ITSN2: variants seen among roughly 807,000 people sequenced by gnomAD.
ITSN2 encodes intersectin 2.
Under a neutral mutation model 243.7 loss-of-function variants are expected in ITSN2, and 156 were observed. That is an observed-to-expected ratio of 0.64 (90% CI 0.56 to 0.73). ITSN2 has a LOEUF of 0.73. ITSN2 is among the 30% of genes least tolerant of loss of function. The pLI, the probability that ITSN2 is intolerant of heterozygous loss-of-function variation, is 0.00. For missense variants in ITSN2, 1,801 were observed against 1,996.1 expected (o/e 0.90, Z 1.86); for synonymous variants, 703 against 699.9 (o/e 1.00, Z -0.07).
chr2:24,245,066 T>C (rs10865276), intron 29 of ITSN2, among the ~76,000 whole-genome samples: 148,947 of 152,304 alleles, frequency 0.98, 72,828 homozygotes, highest in East Asian at 0.99. Flanking sequence ...AACTAAAAAT[T>C]AAAAGAGTGG....
At position 24,223,241 on chromosome 2, in the gene ITSN2, T is replaced by C. The variant is rs1016144566; in HGVS notation, c.3578-2175A>G. 4.6e-5 allele frequency among the ~76,000 whole-genome samples: 7 copies of C among 152,318 alleles called. No homozygotes were observed. The East Asian group carries it at 7.7e-4, about 17-fold the overall frequency. Reference sequence around the variant, plus strand: ...GTTGCTCTTTCCAATTTCCTTTGCATTTGTATACATTTTGTATAGATCTGG... The same window carrying C: ...GTTGCTCTTTCCAATTTCCTTTGCACTTGTATACATTTTGTATAGATCTGG... On this transcript the variant is annotated intron_variant, in intron 29 of 39. Transcript: ENST00000355123.
At chr2:24,323,568 A>G (rs1312611313) in intron 2 of ITSN2, among the ~76,000 whole-genome samples, 1 of 152,208 alleles carries the variant, frequency 6.6e-6, no homozygotes, top group Non-Finnish European at 1.5e-5. Flanking sequence ...CCAATAATAC[A>G]TGGCTAAAGG....
At chr2:24,320,218 A>C (rs1227550314) in intron 2 of ITSN2, among the ~76,000 whole-genome samples, 1 of 151,992 alleles carries the variant, frequency 6.6e-6, no homozygotes, top group Admixed American at 6.5e-5. Flanking sequence ...CTCTACAAAA[A>C]AACTTAAAAA....
Position 24,242,422 on chromosome 2 carries a change from T to C in ITSN2, c.3577+3707A>G, listed in dbSNP as rs932639290. On this transcript the variant is annotated intron_variant, in intron 29 of 39. Transcript: ENST00000355123. ...TAATCTATAATTTAACTAGCTTTCA[T>C]TGACTATTACAAGAACTACAAACAG... Among the ~76,000 whole-genome samples the C allele has an allele frequency of 6.6e-5, 10 of 152,086 alleles. No individual in the cohort carries two copies. In the East Asian group the frequency reaches 7.7e-4, roughly 12 times the overall value.
At chr2:24,327,795 T>C (rs574740779) in intron 2 of ITSN2, among the ~76,000 whole-genome samples, 1 of 152,340 alleles carries the variant, frequency 6.6e-6, no homozygotes, top group Middle Eastern at 3.4e-3. Context: ...CATCCAGTTT[T>C]ATGCATCAAA....
intron 29 of ITSN2, among the ~76,000 whole-genome samples, chr2:24,238,768 T>C (rs796103565): frequency 5.9e-5 from 9 of 152,316 alleles, no homozygotes; most frequent in African/African-American, 2.2e-4. Context: ...TGACCACTTA[T>C]ACATTTATTT....
chr2:24,210,863 CTTGAGA>C lies in ITSN2; in HGVS notation c.4168_4173del (p.Ser1390_Gln1391del), dbSNP rs770712180. 1 of 1,614,174 alleles carries C rather than the reference CTTGAGA, an allele frequency of 6.2e-7. No homozygotes were observed. Among genetic ancestry groups the C allele is most frequent in the East Asian group, 2.2e-5 (1 of 44,860 alleles). On this transcript the variant is annotated inframe_deletion, in exon 34 of 40. Coordinates refer to ENST00000355123, the MANE Select transcript of ITSN2 (RefSeq NM_006277.3). ...TCCTTCTCCCGAACTCCCTCATTCACTTGAGAGCACAGCTCCTCTGCCCGCTCGAGG... is the reference window on the plus strand; with the variant it reads ...TCCTTCTCCCGAACTCCCTCATTCACGCACAGCTCCTCTGCCCGCTCGAGG...
chr2:24,340,675 G>C (rs184160037), intron 1 of ITSN2, among the ~76,000 whole-genome samples: 1 of 151,770 alleles, frequency 6.6e-6, no homozygotes, highest in Non-Finnish European at 1.5e-5. Flanking sequence ...TATGTAGCCC[G>C]TTGTGTCTCT....
chr2:24,271,711 G>A lies in ITSN2; in HGVS notation c.2257+55C>T. ...CTTCCCTTTTTTTGTCTCTTATCAG[G>A]TCATTTTTTTCTTGTTGCATTTGTT... On this transcript the variant is annotated intron_variant, in intron 19 of 39. Coordinates refer to ENST00000355123, the MANE Select transcript of ITSN2 (RefSeq NM_006277.3). 5 of 1,452,008 alleles carry A rather than the reference G, an allele frequency of 3.4e-6. No individual in the cohort carries two copies. In the South Asian group the frequency reaches 8.3e-5, roughly 24 times the overall value. 89.9% of individuals were successfully genotyped at this position (1,452,008 alleles called of 1,614,324 possible). A position where few individuals can be genotyped will look rare whatever the true frequency, so the allele number is the denominator to read the frequency against.
In ITSN2 at chr2:24,293,668, G is replaced by C; in HGVS notation, c.1723+20C>G. The C allele has an allele frequency of 1.2e-6, 1 of 831,570 alleles. No individual in the cohort carries two copies. Among genetic ancestry groups the C allele is most frequent in the African/African-American group, 1.8e-5 (1 of 55,408 alleles). The allele number at this position is 831,570 out of a possible 1,614,324, so 51.5% of individuals were successfully genotyped here. A position where few individuals can be genotyped will look rare whatever the true frequency, so the allele number is the denominator to read the frequency against. ...ATTCAGAAAAGGATAAAAGTAATCAGACAAACCTTAGAGACTTACCAGGTG... is the reference window on the plus strand; with the variant it reads ...ATTCAGAAAAGGATAAAAGTAATCACACAAACCTTAGAGACTTACCAGGTG... On this transcript the variant is annotated intron_variant, in intron 15 of 39. Transcript: ENST00000355123.
chr2:24,306,809 CT>C lies in ITSN2; in HGVS notation c.793+1807del, dbSNP rs757854376. Among the ~76,000 whole-genome samples the C allele has an allele frequency of 3.7e-3, 526 of 143,892 alleles. 1 individual carries two copies. The highest frequency in any genetic ancestry group is 6.1e-3 in the African/African-American group (240 of 39,620). 94.4% of individuals were successfully genotyped at this position (143,892 alleles called of 152,430 possible). On this transcript the variant is annotated intron_variant, in intron 8 of 39. Coordinates refer to ENST00000355123, the MANE Select transcript of ITSN2 (RefSeq NM_006277.3). ...TGCCGCTATGCCTAGCAAAGATAAA[CT>C]TTTTTTTTTTTTTTGAGACAGAGTC...
intron 17 of ITSN2, among the ~76,000 whole-genome samples, chr2:24,283,985 G>T (rs145647279): frequency 3.9e-5 from 6 of 152,054 alleles, no homozygotes; most frequent in Non-Finnish European, 8.8e-5. Context: ...GCCCTACTTC[G>T]CTCAGGTAAC....
At chr2:24,306,799 C>A (rs1682601045) in intron 8 of ITSN2, among the ~76,000 whole-genome samples, 1 of 151,696 alleles carries the variant, frequency 6.6e-6, no homozygotes, top group African/African-American at 2.4e-5. Context: ...CTATGCCTAG[C>A]AAAGATAAAC....
rs148365890 is a variant in ITSN2 at position 24,209,966 on chromosome 2, T to C, written c.4325A>G (p.Tyr1442Cys). 3 of 1,614,066 alleles carry C rather than the reference T, an allele frequency of 1.9e-6. No individual in the cohort carries two copies. Among genetic ancestry groups the C allele is most frequent in the African/African-American group, 1.3e-5 (1 of 74,934 alleles). ...CAGTTCCTTGTTGCTCTTGGTCTTG[T>C]ATAATTTCCCACTGTGTAAGAGCTT... ...PRKLLHSGKL[Y>C]KTKSNKELHG... The change falls in exon 35 of 40, where the codon TAC becomes TGC. Residue 1442 changes from tyrosine to cysteine, a missense_variant. By Grantham distance (194) the Tyr-to-Cys change is radical. This residue lies in a region of ITSN2 where 928 missense variants were observed against 1,065.4 expected (regional missense o/e 0.87). Coordinates refer to ENST00000355123, the MANE Select transcript of ITSN2 (RefSeq NM_006277.3).
At chr2:24,226,085 T>C (rs1671002025) in intron 29 of ITSN2, among the ~76,000 whole-genome samples, 1 of 152,230 alleles carries the variant, frequency 6.6e-6, no homozygotes, top group Non-Finnish European at 1.5e-5. Flanking sequence ...TCAGTGGCTC[T>C]GACTGCAGAC....
intron 18 of ITSN2, among the ~76,000 whole-genome samples, chr2:24,273,299 G>T (rs1000156481): frequency 6.6e-6 from 1 of 151,828 alleles, no homozygotes; most frequent in Non-Finnish European, 1.5e-5. Context: ...TGCTTCCTCC[G>T]GCAACTTTCA....
rs1683078158 is a variant in ITSN2, at chr2:24,310,203, T to G, written c.653+81A>C. The G allele has an allele frequency of 4.3e-6, 4 of 933,734 alleles. No individual in the cohort carries two copies. In the Admixed American group the frequency reaches 8.6e-5, roughly 20 times the overall value. 57.8% of individuals were successfully genotyped at this position (933,734 alleles called of 1,614,324 possible). On this transcript the variant is annotated intron_variant, in intron 7 of 39. Transcript: ENST00000355123. ...ATTATAAAGTAAAACTTAGGTAAGC[T>G]CAAAGCTTTAAAAAAATCATTTGTT...
chr2:24,313,692 GAC>G (rs1307508040), intron 3 of ITSN2, among the ~76,000 whole-genome samples, 169 bp from the exon 4 acceptor site: 2 of 152,072 alleles, frequency 1.3e-5, no homozygotes, highest in African/African-American at 4.8e-5. Flanking sequence ...ACTTTAATAA[GAC>G]AGATATTTTA....
chr2:24,227,508 G>C (rs931038018), intron 29 of ITSN2, among the ~76,000 whole-genome samples: 2 of 152,068 alleles, frequency 1.3e-5, no homozygotes. Context: ...AATAAAAATG[G>C]CAAATATTGT....
Sources: gnomAD v4.1 joint callset for allele counts (sites outside exome capture counted in the v4.1 genomes callset) on GRCh38, gnomAD v4.1.1 for gene constraint, gnomAD v4.1.1 regional missense constraint, MANE v1.5 for transcripts, NCBI Gene and HGNC (gene_info 2026-07-23, HGNC 2026-07-21) for gene names.